CREG2: variants seen among roughly 807,000 people sequenced by gnomAD.
CREG2 encodes cellular repressor of E1A stimulated genes 2, also known as protein CREG2.
Under a neutral mutation model 26.2 loss-of-function variants are expected in CREG2, and 24 were observed. That is an observed-to-expected ratio of 0.92 (90% CI 0.66 to 1.29). The LOEUF is 1.29. CREG2 is among the 50% of genes most tolerant of loss of function. The pLI, the probability that CREG2 is intolerant of heterozygous loss-of-function variation, is 0.00. For synonymous variants in CREG2, 174 were observed against 169.2 expected (o/e 1.03, Z -0.22); for missense variants, 366 against 398.6 (o/e 0.92, Z 0.70).
intron 2 of CREG2, among the ~76,000 whole-genome samples, chr2:101,362,199 C>T (rs1050672540): frequency 6.6e-6 from 1 of 152,092 alleles, no homozygotes; most frequent in Non-Finnish European, 1.5e-5. Context: ...GAGAGATGCT[C>T]ACTTTTGTTG....
intron 1 of CREG2, 29 bp from the exon 2 acceptor site, chr2:101,383,731 G>T: frequency 6.4e-7 from 1 of 1,556,956 alleles, no homozygotes; most frequent in Non-Finnish European, 8.7e-7. Context: ...GGCTTTTTCA[G>T]TGCAGAGCTG....
rs559809744 is a variant in CREG2 at position 101,383,445 on chromosome 2, A to G, written c.611+88T>C. On this transcript the variant is annotated intron_variant, in intron 2 of 3. Coordinates refer to ENST00000324768, the MANE Select transcript of CREG2 (RefSeq NM_153836.4). The stretch of plus-strand genomic sequence containing the variant: ...AATGTGCATCTCAGAGTTCTGTTAA[A>G]GTCATGTGACCCAGAGAGAAACCCA... 5 of 1,258,166 alleles carry G rather than the reference A, an allele frequency of 4.0e-6. No homozygotes were observed. The Admixed American group carries it at 6.3e-5, about 16-fold the overall frequency. 77.9% of individuals were successfully genotyped at this position (1,258,166 alleles called of 1,614,324 possible).
rs150313097 is a variant in CREG2 at position 101,357,065 on chromosome 2, T to G, written c.612-1699A>C. ...CCACACGCCCGGCTAATTTTTGTAG[T>G]TTTAGTAGAGACGGGGTTTCACCAT... On this transcript the variant is annotated intron_variant, in intron 2 of 3. Coordinates refer to ENST00000324768, the MANE Select transcript of CREG2 (RefSeq NM_153836.4). Among the ~76,000 whole-genome samples the G allele has an allele frequency of 8.0e-3, 1,220 of 152,282 alleles. 10 individuals carry two copies. The highest frequency in any genetic ancestry group is 0.028 in the African/African-American group (1,146 of 41,558).
At chr2:101,381,613 C>A (rs1684875320) in intron 2 of CREG2, among the ~76,000 whole-genome samples, 1 of 152,210 alleles carries the variant, frequency 6.6e-6, no homozygotes, top group Non-Finnish European at 1.5e-5. Context: ...GAAGCTTAAA[C>A]AGTGTCAGGG....
At chr2:101,359,276 T>C (rs1172341994) in intron 2 of CREG2, among the ~76,000 whole-genome samples, 2 of 152,240 alleles carry the variant, frequency 1.3e-5, no homozygotes, top group African/African-American at 4.8e-5. Flanking sequence ...GATTCTTCCC[T>C]TGGGGTGGGC....
intron 2 of CREG2, among the ~76,000 whole-genome samples, chr2:101,377,387 C>G (rs1265494825): frequency 6.6e-6 from 1 of 152,180 alleles, no homozygotes; most frequent in Non-Finnish European, 1.5e-5. Flanking sequence ...GACGAGTCCT[C>G]CCCGGTCCCA....
At chr2:101,381,232 A>C (rs1684868276) in intron 2 of CREG2, among the ~76,000 whole-genome samples, 2 of 152,172 alleles carry the variant, frequency 1.3e-5, no homozygotes, top group South Asian at 4.1e-4. Context: ...TCGAAGCTCT[A>C]CCCAGGTGTT....
At chr2:101,368,636 T>C (rs1005065285) in intron 2 of CREG2, among the ~76,000 whole-genome samples, 1 of 152,106 alleles carries the variant, frequency 6.6e-6, no homozygotes, top group Non-Finnish European at 1.5e-5. Flanking sequence ...GTTCTGAGGG[T>C]CAATGAAGGC....
chr2:101,356,817 G>A (rs909875694), intron 2 of CREG2, among the ~76,000 whole-genome samples: 1 of 152,100 alleles, frequency 6.6e-6, no homozygotes, highest in East Asian at 1.9e-4. Flanking sequence ...ATGTTTCTGT[G>A]GTGACAGAAT....
chr2:101,371,692 C>G (rs554814240), intron 2 of CREG2, among the ~76,000 whole-genome samples: 110 of 152,280 alleles, frequency 7.2e-4, no homozygotes, highest in African/African-American at 2.6e-3. Flanking sequence ...TGGCCAGCAG[C>G]CCCAGCTGGC....
At chr2:101,358,272 G>A (rs969172106) in intron 2 of CREG2, among the ~76,000 whole-genome samples, 6 of 152,156 alleles carry the variant, frequency 3.9e-5, no homozygotes, top group East Asian at 1.9e-4. Context: ...GATTACAGGC[G>A]TGAGCCACCG....
intron 2 of CREG2, among the ~76,000 whole-genome samples, chr2:101,356,791 G>T (rs1268431245): frequency 4.6e-5 from 7 of 152,126 alleles, no homozygotes; most frequent in African/African-American, 1.7e-4. Context: ...TCATATTTGT[G>T]ACTGCTTGCT....
At chr2:101,372,517 C>T (rs1306379509) in intron 2 of CREG2, among the ~76,000 whole-genome samples, 1 of 152,204 alleles carries the variant, frequency 6.6e-6, no homozygotes, top group East Asian at 1.9e-4. Flanking sequence ...ACCATTTCTA[C>T]ACACTAGAGA....
At chr2:101,371,175 AG>A (rs571501029) in intron 2 of CREG2, among the ~76,000 whole-genome samples, 1 of 152,244 alleles carries the variant, frequency 6.6e-6, no homozygotes, top group African/African-American at 2.4e-5. Context: ...AGGAAGCCTC[AG>A]GGGGTGCTCT....
At chr2:101,360,582 AC>A (rs1684524020) in intron 2 of CREG2, among the ~76,000 whole-genome samples, 1 of 152,116 alleles carries the variant, frequency 6.6e-6, no homozygotes, top group Non-Finnish European at 1.5e-5. Flanking sequence ...CTAAAAAAAT[AC>A]AAAAATTAGC....
rs948435474 is a variant in CREG2 at position 101,387,014 on chromosome 2, C to A, written c.441+3G>T. The A allele has an allele frequency of 4.3e-5, 53 of 1,232,424 alleles. No individual in the cohort carries two copies. The highest frequency in any genetic ancestry group is 4.7e-5 in the Non-Finnish European group (46 of 988,878). The allele number at this position is 1,232,424 out of a possible 1,614,324, so 76.3% of individuals were successfully genotyped here. On this transcript the variant is annotated splice_donor_region_variant and intron_variant, in intron 1 of 3. Transcript: ENST00000324768. This position sits in a 1 kb window ranked among gnomAD's most constrained non-coding sequence, Gnocchi z 4.7. ...CCCCTCGCGCTCCCCGCCGGGCGCT[C>A]ACCTTCTTGTGGGTGGACACGGTGG...
intron 2 of CREG2, among the ~76,000 whole-genome samples, chr2:101,377,482 T>A (rs1483194820): frequency 6.6e-6 from 1 of 152,216 alleles, no homozygotes; most frequent in African/African-American, 2.4e-5. Flanking sequence ...GGGAAGATAT[T>A]GCAGGGAAAG....
At chr2:101,357,049 C>A (rs972781970) in intron 2 of CREG2, among the ~76,000 whole-genome samples, 2 of 152,104 alleles carry the variant, frequency 1.3e-5, no homozygotes, top group Non-Finnish European at 2.9e-5. Flanking sequence ...ACCACACGCC[C>A]GGCTAATTTT....
At chr2:101,362,300 G>C (rs182779952) in intron 2 of CREG2, among the ~76,000 whole-genome samples, 2 of 152,148 alleles carry the variant, frequency 1.3e-5, no homozygotes, top group Admixed American at 1.3e-4. Flanking sequence ...CCACAGGAGA[G>C]AGGGAGAGAG....
Sources: gnomAD v4.1 joint callset for allele counts (sites outside exome capture counted in the v4.1 genomes callset) on GRCh38, gnomAD v4.1.1 for gene constraint, Gnocchi (gnomAD v3.1) non-coding constraint, MANE v1.5 for transcripts, NCBI Gene and HGNC (gene_info 2026-07-23, HGNC 2026-07-21) for gene names.